Variants in AFM observed in about 807,000 individuals in gnomAD.
The protein encoded by AFM is afamin.
In AFM, 82 loss-of-function variants were observed where a neutral mutation model predicts 68.7. The ratio of observed to expected loss-of-function variants is 1.19; its 90% confidence interval spans 1.00 to 1.43. The LOEUF (loss-of-function observed/expected upper bound fraction) is 1.43, where lower values mean the gene tolerates loss of function less well. Ranked by LOEUF, AFM falls within the 40% of genes most tolerant of loss-of-function variation. The pLI, the probability that AFM is intolerant of heterozygous loss-of-function variation, is 0.00. For synonymous variants in AFM, 250 were observed against 234.2 expected, an observed-to-expected ratio of 1.07 and a Z score of -0.61; for missense variants, 772 against 701.8, an observed-to-expected ratio of 1.10 and a Z score of -1.13.
At chr4:73,496,384 C>T (rs1379508805) in intron 9 of AFM, among the ~76,000 whole-genome samples, 1 of 152,054 alleles carries the variant, frequency 6.6e-6, no homozygotes, top group Non-Finnish European at 1.5e-5. Context: ...GTAAGTGACC[C>T]TGAGATGAAC....
At chr4:73,503,805 C>T (rs766967185) in intron 14 of AFM, 71 bp from the exon 15 acceptor site, 16 of 152,054 alleles carry the variant, frequency 1.1e-4, no homozygotes, top group Non-Finnish European at 1.5e-4. Context: ...TTCAAATACT[C>T]GACTTTCTAT....
In AFM at chr4:73,481,837, C is replaced by T. The variant is rs745316212; in HGVS notation, c.62C>T (p.Thr21Ile). The change falls in exon 1 of 15, where the codon ACC becomes ATC. Residue 21 changes from threonine to isoleucine, a missense_variant. Coordinates refer to ENST00000226355, the MANE Select transcript of AFM (RefSeq NM_001133.2). ...FFLFFLTESL[T>I]LPTQPRDIEN... ...TTGTTTTTTTTGACTGAATCCCTAA[C>T]CCTGCCCACACAACCTCGGGATATA... 2.5e-6 allele frequency: 4 copies of T among 1,608,220 alleles called. No individual in the cohort carries two copies. The highest frequency in any genetic ancestry group is 3.4e-6 in the Non-Finnish European group (4 of 1,177,002).
At chr4:73,496,617 TG>T (rs1338658421) in intron 9 of AFM, among the ~76,000 whole-genome samples, 4 of 152,338 alleles carry the variant, frequency 2.6e-5, no homozygotes, top group Middle Eastern at 3.4e-3. Context: ...AAATTAACTT[TG>T]CTAGATTTAT....
intron 14 of AFM, 53 bp downstream of exon 14, chr4:73,503,163 C>T (rs1721464945): frequency 1.5e-6 from 2 of 1,374,798 alleles, no homozygotes; most frequent in Admixed American, 1.7e-5. Flanking sequence ...CTTATCTGAT[C>T]TCCTTGCCTT....
chr4:73,490,589 T>A (rs987458424), intron 7 of AFM, among the ~76,000 whole-genome samples: 1 of 152,022 alleles, frequency 6.6e-6, no homozygotes, highest in Non-Finnish European at 1.5e-5. Flanking sequence ...CCCGCTAATG[T>A]TTTTTGTATT....
chr4:73,485,304 G>A (rs1012598475), intron 3 of AFM, among the ~76,000 whole-genome samples: 4 of 152,180 alleles, frequency 2.6e-5, no homozygotes, highest in Non-Finnish European at 4.4e-5. Flanking sequence ...TGGTGGAAGG[G>A]AAATGTAGGC....
chr4:73,483,173 C>G (rs189526517), intron 1 of AFM, among the ~76,000 whole-genome samples: 171 of 152,292 alleles, frequency 1.1e-3, no homozygotes, highest in African/African-American at 3.9e-3. Context: ...CTTACATTTA[C>G]TCATGCTCAA....
At chr4:73,487,897 AC>A in intron 6 of AFM, 76 bp downstream of exon 6, 1 of 1,046,002 alleles carries the variant, frequency 9.6e-7, no homozygotes, top group Non-Finnish European at 1.5e-6. Flanking sequence ...ATGGTTGATA[AC>A]TTTTTATTTA....
At chr4:73,481,957 T>TGAAA in intron 1 of AFM, 94 bp downstream of exon 1, 1 of 887,816 alleles carries the variant, frequency 1.1e-6, no homozygotes, top group Non-Finnish European at 1.8e-6. Context: ...ATTCTTTACT[T>TGAAA]GCTTTTTTCA....
chr4:73,485,455 T>G (rs573358017), intron 3 of AFM, among the ~76,000 whole-genome samples: 11 of 152,010 alleles, frequency 7.2e-5, no homozygotes, highest in African/African-American at 2.4e-4. Context: ...TTAGGACACT[T>G]TGGCTGGAGG....
rs771719904 is a variant in AFM at position 73,487,007 on chromosome 4, G to T, written c.523G>T (p.Ala175Ser). The change falls in exon 5 of 15, where the codon GCC becomes TCC. Residue 175 changes from alanine (A) to serine (S), a missense_variant. Coordinates refer to ENST00000226355, the MANE Select transcript of AFM (RefSeq NM_001133.2). Reference sequence around the variant, plus strand: ...TGCCAGAAGGAACCCATTTGTCTTCGCCCCTACACTTCTAACTGTTGCTGT... The same window carrying T: ...TGCCAGAAGGAACCCATTTGTCTTCTCCCCTACACTTCTAACTGTTGCTGT... ...EVARRNPFVFAPTLLTVAVHF... is the reference protein window; with the variant it reads ...EVARRNPFVFSPTLLTVAVHF... The T allele has an allele frequency of 1.2e-6, 2 of 1,612,912 alleles. No individual in the cohort carries two copies. Among genetic ancestry groups the T allele is most frequent in the African/African-American group, 1.3e-5 (1 of 74,634 alleles).
At chr4:73,491,765 A>T (rs960970910) in intron 7 of AFM, 107 bp from the exon 8 acceptor site, 1 of 925,202 alleles carries the variant, frequency 1.1e-6, no homozygotes, top group Admixed American at 2.4e-5. Context: ...TAATTGATGA[A>T]GTGATTCCAG....
chr4:73,482,488 G>A (rs551723674), intron 1 of AFM, among the ~76,000 whole-genome samples: 4 of 152,306 alleles, frequency 2.6e-5, no homozygotes, highest in South Asian at 4.1e-4. Flanking sequence ...CCTAAGCATG[G>A]CAGTGGCCCT....
chr4:73,487,052 A>AAAT lies in AFM; in HGVS notation c.569_571dup (p.Lys190_Ser191insTer). On this transcript the variant is annotated stop_gained and inframe_insertion, in exon 5 of 15. Coordinates refer to ENST00000226355, the MANE Select transcript of AFM (RefSeq NM_001133.2). LOFTEE classifies it high-confidence loss of function. Reference sequence around the variant, plus strand: ...TGCTGTTCATTTTGAGGAGGTGGCCAAATCATGTTGTGAAGAACAAAACAA... The same window carrying AAAT: ...TGCTGTTCATTTTGAGGAGGTGGCCAAATAATCATGTTGTGAAGAACAAAACAA... The AAAT allele has an allele frequency of 6.2e-7, 1 of 1,614,074 alleles. No homozygotes were observed. Among genetic ancestry groups the AAAT allele is most frequent in the East Asian group, 2.2e-5 (1 of 44,866 alleles).
At chr4:73,484,493 T>TCTTTCTTTCTTCCTTC (rs1720826436) in intron 3 of AFM, 103 bp downstream of exon 3, 3 of 825,150 alleles carry the variant, frequency 3.6e-6, no homozygotes, top group Non-Finnish European at 5.2e-6. Flanking sequence ...TTTCTTTCTT[T>TCTTTCTTTCTTCCTTC]CTTTCTTTCT....
At chr4:73,500,750 A>T (rs749801253) in intron 12 of AFM, among the ~76,000 whole-genome samples, 1 of 152,212 alleles carries the variant, frequency 6.6e-6, no homozygotes, top group African/African-American at 2.4e-5. Flanking sequence ...TTCTGGAAAG[A>T]TCAGACGTAG....
At chr4:73,489,005 A>G (rs1720993979) in intron 7 of AFM, among the ~76,000 whole-genome samples, 1 of 152,208 alleles carries the variant, frequency 6.6e-6, no homozygotes, top group South Asian at 2.1e-4. Context: ...TTGATGTAAA[A>G]CTTCAGAAAT....
rs532891581 is a variant in AFM, at chr4:73,487,024, T to C, written c.540T>C (p.Thr180=). 6.2e-7 allele frequency: 1 copy of C among 1,614,088 alleles called. No homozygotes were observed. Among genetic ancestry groups the C allele is most frequent in the Non-Finnish European group, 8.5e-7 (1 of 1,179,980 alleles). The change falls in exon 5 of 15, where the codon ACT becomes ACC. Residue 180 remains threonine, a synonymous_variant. Coordinates refer to ENST00000226355, the MANE Select transcript of AFM (RefSeq NM_001133.2). ...TTGTCTTCGCCCCTACACTTCTAAC[T>C]GTTGCTGTTCATTTTGAGGAGGTGG... ...NPFVFAPTLL[T]VAVHFEEVAK...
At chr4:73,487,236 A>T in intron 5 of AFM, 137 bp downstream of exon 5, 1 of 931,974 alleles carries the variant, frequency 1.1e-6, no homozygotes, top group Non-Finnish European at 1.6e-6. Context: ...TTTTCAAACC[A>T]TTGGTCACCA....
Sources: allele counts gnomAD v4.1 joint callset (sites outside exome capture counted in the v4.1 genomes callset), GRCh38; gene constraint gnomAD v4.1.1; transcripts MANE v1.5; gene names NCBI Gene and HGNC (gene_info 2026-07-23, HGNC 2026-07-21).